WDR7: variants seen among roughly 807,000 people sequenced by gnomAD.
The protein encoded by WDR7 is WD repeat-containing protein 7.
A neutral mutation model predicts 169.4 loss-of-function variants in WDR7; 46 were observed. That is an observed-to-expected ratio of 0.27 (90% CI 0.21 to 0.35). The LOEUF is 0.35. WDR7 is among the 10% of genes least tolerant of loss of function. The probability of loss-of-function intolerance (pLI) is 1.00; values close to 1 mark genes in which losing one functional copy is unlikely to be tolerated. For synonymous variants in WDR7, 612 were observed against 666.8 expected (o/e 0.92, Z 1.27); for missense variants, 1,534 against 1,859.3 (o/e 0.83, Z 3.22).
At chr18:56,877,015 T>G (rs968112566) in intron 20 of WDR7, among the ~76,000 whole-genome samples, 3 of 152,024 alleles carry the variant, frequency 2.0e-5, no homozygotes, top group Non-Finnish European at 4.4e-5. Flanking sequence ...AAACCCTGTC[T>G]CTACAAAAAT....
intron 14 of WDR7, among the ~76,000 whole-genome samples, chr18:56,740,853 T>C (rs2043610462): frequency 6.6e-6 from 1 of 152,294 alleles, no homozygotes. Context: ...CTGTGTCAGC[T>C]TCTGTTTTCT....
At chr18:57,025,746 G>T (rs2048358528) in intron 27 of WDR7, among the ~76,000 whole-genome samples, 1 of 152,282 alleles carries the variant, frequency 6.6e-6, no homozygotes, top group African/African-American at 2.4e-5. Flanking sequence ...GAGATGCCAT[G>T]ATTTACGCCC....
rs1342571137 is a variant in WDR7 at position 56,695,147 on chromosome 18, A to G, written c.1306A>G (p.Thr436Ala). ...TGGAAGCATAGTTATTGTACCTGCC[A>G]CACAGACGGCCATAGTACAGCTGTT... ...EDGSIVIVPA[T>A]QTAIVQLLQG... The change falls in exon 11 of 28, where the codon ACA becomes GCA. Residue 436 changes from threonine to alanine, a missense_variant. Physicochemically the swap from Thr to Ala is moderately conservative, Grantham distance 58 (BLOSUM62 0). Coordinates refer to ENST00000254442, the MANE Select transcript of WDR7 (RefSeq NM_015285.3). 3 of 1,614,212 alleles carry G rather than the reference A, an allele frequency of 1.9e-6. No individual in the cohort carries two copies. Among genetic ancestry groups the G allele is most frequent in the Non-Finnish European group, 2.5e-6 (3 of 1,180,024 alleles).
intron 20 of WDR7, among the ~76,000 whole-genome samples, chr18:56,863,358 G>A (rs970178378): frequency 1.3e-5 from 2 of 151,666 alleles, no homozygotes; most frequent in African/African-American, 4.8e-5. Flanking sequence ...TCTGTAGTGA[G>A]TAAGAGATTA....
chr18:56,875,562 G>A (rs1233633322), intron 20 of WDR7, among the ~76,000 whole-genome samples: 1 of 152,100 alleles, frequency 6.6e-6, no homozygotes, highest in Non-Finnish European at 1.5e-5. Context: ...TGCCTCTCCT[G>A]CTTCATTTTC....
intron 20 of WDR7, among the ~76,000 whole-genome samples, chr18:56,829,216 C>G (rs1354919516): frequency 6.6e-6 from 1 of 151,270 alleles, no homozygotes; most frequent in Non-Finnish European, 1.5e-5. Context: ...TATGATTGCA[C>G]CACTGCACTG....
rs981043908 is a variant in WDR7 at position 56,731,655 on chromosome 18, A to C, written c.1989+58A>C. ...AGACCCCATTTAACTTCATTTAGTA[A>C]CATGGCTTTGGCATATCTTAGAAAA... is the stretch of plus-strand genomic sequence containing the variant. On this transcript the variant is annotated intron_variant, in intron 14 of 27. Coordinates refer to ENST00000254442, the MANE Select transcript of WDR7 (RefSeq NM_015285.3). 9.2e-6 allele frequency: 13 copies of C among 1,416,860 alleles called. No individual in the cohort carries two copies. In the African/African-American group the frequency reaches 1.7e-4, roughly 19 times the overall value. The allele number at this position is 1,416,860 out of a possible 1,614,324, so 87.8% of individuals were successfully genotyped here. A position where few individuals can be genotyped will look rare whatever the true frequency, so the allele number is the denominator to read the frequency against.
chr18:57,027,271 G>GGA lies in WDR7; in HGVS notation c.*64_*65insGA. The GGA allele has an allele frequency of 6.5e-7, 1 of 1,529,742 alleles. No individual in the cohort carries two copies. The highest frequency in any genetic ancestry group is 8.8e-7 in the Non-Finnish European group (1 of 1,138,898). 94.8% of individuals were successfully genotyped at this position (1,529,742 alleles called of 1,614,324 possible). A position where few individuals can be genotyped will look rare whatever the true frequency, so the allele number is the denominator to read the frequency against. Reference sequence around the variant, plus strand: ...AAATTATCCAAGCCGATGTTGCTCTGTCCTTCCTCACACCAGATTGTTCCC... The same window carrying GGA: ...AAATTATCCAAGCCGATGTTGCTCTGGATCCTTCCTCACACCAGATTGTTCCC... On this transcript the variant is annotated 3_prime_UTR_variant, in exon 28 of 28. Transcript: ENST00000254442.
chr18:56,779,453 G>A lies in WDR7; in HGVS notation c.2970G>A (p.Met990Ile), dbSNP rs1267726904. The A allele has an allele frequency of 6.2e-7, 1 of 1,613,240 alleles. No homozygotes were observed. Among genetic ancestry groups the A allele is most frequent in the African/African-American group, 1.3e-5 (1 of 74,882 alleles). The change falls in exon 18 of 28, where the codon ATG becomes ATA. Residue 990 changes from methionine (M) to isoleucine (I), a missense_variant. By Grantham distance (10) the Met-to-Ile change is conservative. Coordinates refer to ENST00000254442, the MANE Select transcript of WDR7 (RefSeq NM_015285.3). ...VNEGWSQLAA[M>I]HCVMLPDLLG... ...CAGGTTGGAGTCAGTTAGCTGCTAT[G>A]CACTGTGTTATGCTGCCAGACCTAC...
chr18:56,651,826 T>G (rs776712236), intron 1 of WDR7: 1 of 152,358 alleles, frequency 6.6e-6, no homozygotes, highest in African/African-American at 2.4e-5. Context: ...CTTGTGACAG[T>G]TGCTTTGGTC....
rs1308750918 is a variant in WDR7, at chr18:56,694,043, T to C, written c.967-576T>C. Among the ~76,000 whole-genome samples the C allele has an allele frequency of 2.6e-5, 4 of 152,056 alleles. No homozygotes were observed. In the East Asian group the frequency reaches 7.7e-4, roughly 29 times the overall value. On this transcript the variant is annotated intron_variant, in intron 9 of 27. Transcript: ENST00000254442. ...TGCCACCATGCTGGGCTAAGTTTTT[T>C]TTTTTTTCCTGTAGAGACAGGATTT...
chr18:56,973,475 A>G (rs2047521117), intron 26 of WDR7, among the ~76,000 whole-genome samples: 1 of 152,148 alleles, frequency 6.6e-6, no homozygotes, highest in Non-Finnish European at 1.5e-5. Context: ...AATGCCTAAT[A>G]TATATACATA....
At chr18:56,684,449 G>T (rs141087057) in intron 5 of WDR7, among the ~76,000 whole-genome samples, 17 of 152,310 alleles carry the variant, frequency 1.1e-4, no homozygotes, top group African/African-American at 3.8e-4. Context: ...ATACATTAGT[G>T]ATTGAGCCTG....
At chr18:56,895,553 A>G (rs1206911913) in intron 21 of WDR7, among the ~76,000 whole-genome samples, 1 of 151,722 alleles carries the variant, frequency 6.6e-6, no homozygotes, top group Non-Finnish European at 1.5e-5. Context: ...CAAATTTAAT[A>G]GTAAAAAAAA....
intron 16 of WDR7, among the ~76,000 whole-genome samples, chr18:56,769,401 A>T (rs2044118435): frequency 6.6e-6 from 1 of 152,078 alleles, no homozygotes; most frequent in South Asian, 2.1e-4. Context: ...GTTTCACCAT[A>T]TTGCCCAGGC....
chr18:56,707,125 C>T lies in WDR7; in HGVS notation c.1578+10663C>T, dbSNP rs533954938. On this transcript the variant is annotated intron_variant, in intron 12 of 27. Coordinates refer to ENST00000254442, the MANE Select transcript of WDR7 (RefSeq NM_015285.3). Reference sequence around the variant, plus strand: ...CCTCCCCAGTAGCTGGGATTACAGGCGCGCACCACCACACCCAGCTAATTT... The same window carrying T: ...CCTCCCCAGTAGCTGGGATTACAGGTGCGCACCACCACACCCAGCTAATTT... 3.3e-4 allele frequency among the ~76,000 whole-genome samples: 50 copies of T among 151,790 alleles called. No homozygotes were observed. In the South Asian group the frequency reaches 4.0e-3, roughly 12 times the overall value.
intron 12 of WDR7, among the ~76,000 whole-genome samples, chr18:56,711,427 T>C (rs1358794330): frequency 6.6e-6 from 1 of 152,142 alleles, no homozygotes; most frequent in Non-Finnish European, 1.5e-5. Context: ...ATACATGTTT[T>C]TTCTTTGATA....
intron 20 of WDR7, among the ~76,000 whole-genome samples, chr18:56,832,529 C>T (rs1228588362): frequency 3.3e-5 from 5 of 152,206 alleles, no homozygotes; most frequent in Non-Finnish European, 7.3e-5. Flanking sequence ...CCCTGACTCC[C>T]GTGCCTCCAG....
At chr18:56,899,190 G>A (rs1317960598) in intron 21 of WDR7, among the ~76,000 whole-genome samples, 1 of 151,988 alleles carries the variant, frequency 6.6e-6, no homozygotes, top group Non-Finnish European at 1.5e-5. Flanking sequence ...TTTATTTATA[G>A]ATTTAAAAAT....
Sources: allele counts gnomAD v4.1 joint callset (sites outside exome capture counted in the v4.1 genomes callset), GRCh38; gene constraint gnomAD v4.1.1; transcripts MANE v1.5; gene names NCBI Gene and HGNC (gene_info 2026-07-23, HGNC 2026-07-21).